Variants in DYM observed in about 807,000 individuals in gnomAD.
The protein encoded by DYM is dyggve-Melchior-Clausen syndrome protein.
DYM carries 78 observed loss-of-function variants against 93.1 expected under a neutral mutation model. The ratio of observed to expected loss-of-function variants is 0.84; its 90% CI spans 0.70 to 1.01. The LOEUF (loss-of-function observed/expected upper bound fraction) is 1.01, where lower values mean the gene tolerates loss of function less well. Among genes scored for constraint, DYM ranks in the 50% least tolerant of loss-of-function variants. The probability of loss-of-function intolerance (pLI) is 0.00; values close to 1 mark genes in which losing one functional copy is unlikely to be tolerated. For synonymous variants in DYM, 321 were observed against 319.7 expected, an observed-to-expected ratio of 1.00 and a Z score of -0.04; for missense variants, 789 against 845.0, an observed-to-expected ratio of 0.93 and a Z score of 0.82.
At chr18:49,367,022 GA>G (rs2066586767) in intron 5 of DYM, among the ~76,000 whole-genome samples, 1 of 152,056 alleles carries the variant, frequency 6.6e-6, no homozygotes, top group African/African-American at 2.4e-5. Flanking sequence ...AAAGTTGGGG[GA>G]AAATATTCAA....
intron 7 of DYM, 62 bp downstream of exon 7, chr18:49,333,666 C>G (rs1195661169): frequency 5.2e-6 from 8 of 1,550,340 alleles, no homozygotes; most frequent in Admixed American, 3.3e-5. Flanking sequence ...GGTAAAAGGA[C>G]AAGACTAGAA....
chr18:49,455,237 C>G (rs2082882683), intron 1 of DYM, among the ~76,000 whole-genome samples: 1 of 152,144 alleles, frequency 6.6e-6, no homozygotes, highest in Non-Finnish European at 1.5e-5. Context: ...CTAGTCAGAA[C>G]TGTCTTTTGA....
Position 49,333,706 on chromosome 18 carries a change from C to T in DYM, c.620+22G>A, listed in dbSNP as rs769486779. On this transcript the variant is annotated intron_variant, in intron 7 of 17. Coordinates refer to ENST00000675505, the MANE Select transcript of DYM (RefSeq NM_001353214.3). ...AGATTTATACAATGAAAAAACTAGA[C>T]ATACTTAAAGTAGAAACATACCATG... 1.9e-6 allele frequency: 3 copies of T among 1,612,116 alleles called. No individual in the cohort carries two copies. In the South Asian group the frequency reaches 3.3e-5, roughly 18 times the overall value.
At chr18:49,306,672 T>G (rs1480414235) in intron 8 of DYM, among the ~76,000 whole-genome samples, 1 of 152,220 alleles carries the variant, frequency 6.6e-6, no homozygotes, top group South Asian at 2.1e-4. Flanking sequence ...AACCTGAGCA[T>G]GTGGTAACAG....
chr18:49,106,043 A>G (rs1242517734), intron 16 of DYM, among the ~76,000 whole-genome samples: 2 of 152,142 alleles, frequency 1.3e-5, no homozygotes, highest in Non-Finnish European at 2.9e-5. Flanking sequence ...GTGGGAGTCT[A>G]AGTCTCTTTG....
At chr18:49,086,287 G>A (rs2078518346) in intron 17 of DYM, among the ~76,000 whole-genome samples, 1 of 152,234 alleles carries the variant, frequency 6.6e-6, no homozygotes, top group East Asian at 1.9e-4. Context: ...TCCCAAGGCA[G>A]TGCAGGGCAT....
At chr18:49,306,129 GAAA>G (rs1169269222) in intron 8 of DYM, among the ~76,000 whole-genome samples, 1 of 152,182 alleles carries the variant, frequency 6.6e-6, no homozygotes, top group Non-Finnish European at 1.5e-5. Flanking sequence ...AGATGGAAGA[GAAA>G]TGGAAATTCT....
intron 17 of DYM, among the ~76,000 whole-genome samples, chr18:49,071,932 C>A (rs2076923858): frequency 6.6e-6 from 1 of 152,186 alleles, no homozygotes; most frequent in Non-Finnish European, 1.5e-5. Flanking sequence ...ACTTCCACAG[C>A]CATAATAACT....
At chr18:49,220,926 GCTT>G (rs1404656395) in intron 13 of DYM, among the ~76,000 whole-genome samples, 1 of 152,174 alleles carries the variant, frequency 6.6e-6, no homozygotes, top group Non-Finnish European at 1.5e-5. Flanking sequence ...CAACTAAAGA[GCTT>G]CTGCACAGCA....
rs763678139 is a variant in DYM at position 49,286,532 on chromosome 18, T to C, written c.848A>G (p.Gln283Arg). 6.2e-7 allele frequency: 1 copy of C among 1,614,168 alleles called. No homozygotes were observed. Among genetic ancestry groups the C allele is most frequent in the South Asian group, 1.1e-5 (1 of 91,090 alleles). ...SPELSSPLAN[Q>R]SLLLLLVLAN... ...CAACACCAGCAGAAGCAGGAGACTC[T>C]GGTTGGCCAGAGGGGAAGAAAGCTC... is the stretch of plus-strand genomic sequence containing the variant. Residue 283 changes from glutamine to arginine, a missense_variant, in exon 9 of 18, where the codon CAG becomes CGG. Gln to Arg is a conservative substitution (Grantham distance 43). Coordinates refer to ENST00000675505, the MANE Select transcript of DYM (RefSeq NM_001353214.3).
intron 6 of DYM, among the ~76,000 whole-genome samples, chr18:49,344,713 A>C (rs1177542202): frequency 6.6e-6 from 1 of 152,144 alleles, no homozygotes; most frequent in Non-Finnish European, 1.5e-5. Context: ...GGAAAAAAAA[A>C]AAGACCTGAA....
At chr18:49,304,603 C>T (rs73443893) in intron 8 of DYM, among the ~76,000 whole-genome samples, 3 of 152,262 alleles carry the variant, frequency 2.0e-5, no homozygotes, top group African/African-American at 7.2e-5. Flanking sequence ...GTTCTCTCTC[C>T]ACAAGCCACG....
chr18:49,224,353 T>C (rs2093459249), intron 13 of DYM, among the ~76,000 whole-genome samples: 1 of 152,010 alleles, frequency 6.6e-6, no homozygotes, highest in Non-Finnish European at 1.5e-5. Flanking sequence ...AGCCAGAGGA[T>C]AGGGCTAGCT....
chr18:49,227,613 A>G (rs1045862269), intron 13 of DYM, among the ~76,000 whole-genome samples: 1 of 152,144 alleles, frequency 6.6e-6, no homozygotes, highest in African/African-American at 2.4e-5. Context: ...CTAAACCCAC[A>G]TCTGTGAGCT....
Position 49,414,886 on chromosome 18 carries a change from G to C in DYM, c.140+15369C>G, listed in dbSNP as rs181828208. ...CTCTAGTAACATATAAACTGCATGAGAGCAGGGACTTTGTCACTCATGTTT... is the reference window on the plus strand; with the variant it reads ...CTCTAGTAACATATAAACTGCATGACAGCAGGGACTTTGTCACTCATGTTT... On this transcript the variant is annotated intron_variant, in intron 2 of 17. Transcript: ENST00000675505. Among the ~76,000 whole-genome samples the C allele has an allele frequency of 5.3e-5, 8 of 152,258 alleles. No individual in the cohort carries two copies. In the East Asian group the frequency reaches 1.3e-3, roughly 26 times the overall value.
chr18:49,083,026 T>C (rs2078194949), intron 17 of DYM, among the ~76,000 whole-genome samples: 1 of 152,172 alleles, frequency 6.6e-6, no homozygotes, highest in African/African-American at 2.4e-5. Flanking sequence ...GTGTGTATTG[T>C]GGGGGTCAGC....
chr18:49,072,433 A>G (rs983625067), intron 17 of DYM, among the ~76,000 whole-genome samples: 1 of 152,224 alleles, frequency 6.6e-6, no homozygotes, highest in Admixed American at 6.5e-5. Flanking sequence ...CTATGAAAGT[A>G]GCCCCCAGAC....
rs796470768 is a variant in DYM, at chr18:49,392,496, TCAA to T, written c.141-854_141-852del. ...AATATACTTTTAAAACTCCTACAACTCAACAACAACAAAAACCAAACAACCCAA... is the reference window on the plus strand; with the variant it reads ...AATATACTTTTAAAACTCCTACAACTCAACAACAAAAACCAAACAACCCAA... On this transcript the variant is annotated intron_variant, in intron 2 of 17. Transcript: ENST00000675505. Among the ~76,000 whole-genome samples the T allele has an allele frequency of 7.4e-4, 112 of 151,240 alleles. 2 individuals carry two copies. The highest frequency in any genetic ancestry group is 2.7e-3 in the African/African-American group (111 of 41,254).
intron 16 of DYM, among the ~76,000 whole-genome samples, chr18:49,103,090 T>G (rs2080361358): frequency 6.6e-6 from 1 of 152,220 alleles, no homozygotes; most frequent in Non-Finnish European, 1.5e-5. Context: ...GTTTCCTGAC[T>G]TTTTAATGAT....
Sources: allele counts gnomAD v4.1 joint callset (sites outside exome capture counted in the v4.1 genomes callset), GRCh38; gene constraint gnomAD v4.1.1; transcripts MANE v1.5; gene names NCBI Gene and HGNC (gene_info 2026-07-23, HGNC 2026-07-21).